FUNDC2: variants seen among roughly 807,000 people sequenced by gnomAD.
The protein encoded by FUNDC2 is FUN14 domain containing 2.
FUNDC2 carries 4 observed loss-of-function variants against 15.6 expected under a neutral mutation model. The observed-to-expected ratio is 0.26, with a 90% confidence interval of 0.13 to 0.59. FUNDC2 has a LOEUF of 0.59. Among genes scored for constraint, FUNDC2 ranks in the 20% least tolerant of loss-of-function variants. The probability of loss-of-function intolerance (pLI) is 0.90; values close to 1 mark genes in which losing one functional copy is unlikely to be tolerated. For synonymous variants in FUNDC2, 44 were observed against 56.9 expected (o/e 0.77, Z 1.02); for missense variants, 98 against 149.7 (o/e 0.65, Z 1.80).
intron 1 of FUNDC2, among the ~76,000 whole-genome samples, chrX:155,029,928 AGTTTGCAGT>A (rs1557288588): frequency 1.8e-5 from 2 of 111,206 alleles, no homozygotes; most frequent in Non-Finnish European, 3.8e-5. Context: ...AGTGTTTTGT[AGTTTGCAGT>A]GTTTTCTAGT....
At chrX:155,050,873 T>C (rs1277555842) in intron 3 of FUNDC2, 1 of 112,216 alleles carries the variant, frequency 8.9e-6, no homozygotes, top group African/African-American at 3.2e-5. Context: ...TTTGGGTGAC[T>C]GGTGGTGCCA....
intron 4 of FUNDC2, among the ~76,000 whole-genome samples, chrX:155,052,740 G>A (rs782659255): frequency 8.9e-6 from 1 of 112,322 alleles, no homozygotes; most frequent in South Asian, 3.7e-4. Flanking sequence ...GGAGCCCAGA[G>A]CCCAGATAGT....
chrX:155,045,854 C>T (rs1333131537), intron 2 of FUNDC2, among the ~76,000 whole-genome samples: 5 of 111,015 alleles, frequency 4.5e-5, no homozygotes, highest in South Asian at 7.6e-4. Context: ...ATTTTAGTAT[C>T]GGGTGGGGGC....
chrX:155,047,196 T>A, intron 3 of FUNDC2: 1 of 273,784 alleles, frequency 3.7e-6, no homozygotes, highest in South Asian at 3.4e-5. Context: ...TGGCTCCACA[T>A]TGGAATCACC....
At chrX:155,050,758 C>T (rs781853687) in intron 3 of FUNDC2, 2 of 111,933 alleles carry the variant, frequency 1.8e-5, no homozygotes, top group Admixed American at 1.9e-4. Context: ...ATTGCCCTTA[C>T]CCATTTTTAA....
intron 2 of FUNDC2, among the ~76,000 whole-genome samples, chrX:155,037,858 C>T (rs1416945337): frequency 3.6e-5 from 4 of 111,684 alleles, no homozygotes; most frequent in Non-Finnish European, 5.6e-5. Flanking sequence ...TCCAATTTGA[C>T]AGTCTCTTCC....
rs2073825757 is a variant in FUNDC2, at chrX:155,034,664, C to A, written c.284+1111C>A. On this transcript the variant is annotated intron_variant, in intron 2 of 4. Coordinates refer to ENST00000369498, the MANE Select transcript of FUNDC2 (RefSeq NM_023934.4). ...GAACCTGTTGTTCTACATGGTGGCA[C>A]TTGATTTTGCCAGGCTATTAAATTT... 1.8e-5 allele frequency among the ~76,000 whole-genome samples: 2 copies of A among 112,091 alleles called. 1 individual carries two copies. The highest frequency in any genetic ancestry group is 6.5e-5 in the African/African-American group (2 of 30,838).
intron 1 of FUNDC2, among the ~76,000 whole-genome samples, chrX:155,028,118 G>GACTTTTATAAGAGCAGACT (rs1557288459): frequency 5.7e-4 from 63 of 111,339 alleles, no homozygotes; most frequent in African/African-American, 1.6e-3. Context: ...TGCTCTTATA[G>GACTTTTATAAGAGCAGACT]GTTGATCAGG....
In FUNDC2 at chrX:155,026,900, G is replaced by A. The variant is rs1557288255; in HGVS notation, c.-39G>A. The A allele has an allele frequency of 1.7e-6, 2 of 1,165,580 alleles. No homozygotes were observed. The highest frequency in any genetic ancestry group is 1.8e-5 in the African/African-American group (1 of 56,546). On this transcript the variant is annotated 5_prime_UTR_variant, in exon 1 of 5. Coordinates refer to ENST00000369498, the MANE Select transcript of FUNDC2 (RefSeq NM_023934.4). ...GCTTGCGGAGACTGCAAGCAGCCGC[G>A]GCGCGCCCGGCCCTCCCTCTTCCGC...
rs2073905412 is a variant in FUNDC2 at position 155,057,030 on chromosome X, TTGGCCTCATCCTGCTA to T, written c.*2359_*2374del. ...TCATGGTTGAGGTCAGTATTGCAGG[TTGGCCTCATCCTGCTA>T]GTATGAGAACGGCTGTGAGTTCTGC... On this transcript the variant is annotated 3_prime_UTR_variant, in exon 5 of 5. Transcript: ENST00000369498. The T allele has an allele frequency of 1.0e-5, 1 of 99,926 alleles. No individual in the cohort carries two copies. Among genetic ancestry groups the T allele is most frequent in the Non-Finnish European group, 2.1e-5 (1 of 48,086 alleles). The allele number at this position is 99,926 out of a possible 1,213,427, so 8.2% of individuals were successfully genotyped here. A position where few individuals can be genotyped will look rare whatever the true frequency, so the allele number is the denominator to read the frequency against.
intron 2 of FUNDC2, among the ~76,000 whole-genome samples, chrX:155,042,861 A>G (rs913854564): frequency 9.0e-6 from 1 of 111,243 alleles, no homozygotes; most frequent in African/African-American, 3.3e-5. Flanking sequence ...TATTTCATGA[A>G]GTTTATTAAT....
chrX:155,054,398 A>G, intron 4 of FUNDC2, 197 bp from the exon 5 acceptor site: 1 of 749,128 alleles, frequency 1.3e-6, no homozygotes, highest in Non-Finnish European at 1.6e-6. Context: ...GCCAGTAGTC[A>G]TTTTCATATG....
At position 155,059,475 on chromosome X, in the gene FUNDC2, CAT is replaced by C. The variant is rs1373944938; in HGVS notation, c.*4805_*4806del. Reference sequence around the variant, plus strand: ...TTTTTTGGTTTCTAAAATGGGAGATCATAGTTTTCACCTTCCTAGAGTTCTTT... The same window carrying C: ...TTTTTTGGTTTCTAAAATGGGAGATCAGTTTTCACCTTCCTAGAGTTCTTT... On this transcript the variant is annotated 3_prime_UTR_variant, in exon 5 of 5. Transcript: ENST00000369498. 1.9e-5 allele frequency: 2 copies of C among 107,149 alleles called. No individual in the cohort carries two copies. The highest frequency in any genetic ancestry group is 3.9e-5 in the Non-Finnish European group (2 of 51,862). 8.8% of individuals were successfully genotyped at this position (107,149 alleles called of 1,213,427 possible). A position where few individuals can be genotyped will look rare whatever the true frequency, so the allele number is the denominator to read the frequency against.
At chrX:155,045,933 T>C (rs5945134) in intron 2 of FUNDC2, among the ~76,000 whole-genome samples, 25,700 of 110,145 alleles carry the variant, frequency 0.23, 2,248 homozygotes, top group South Asian at 0.38. Flanking sequence ...GCCACTCAGA[T>C]ATCATATGGA....
At chrX:155,053,096 T>TG (rs781829068) in intron 4 of FUNDC2, among the ~76,000 whole-genome samples, 19 of 112,427 alleles carry the variant, frequency 1.7e-4, no homozygotes, top group Non-Finnish European at 2.8e-4. Flanking sequence ...CTCAAACTTC[T>TG]GGGCTCAAGC....
chrX:155,041,747 CT>C (rs1487550352), intron 2 of FUNDC2, among the ~76,000 whole-genome samples: 2 of 109,109 alleles, frequency 1.8e-5, no homozygotes, highest in South Asian at 3.7e-4. Flanking sequence ...CCTAATGCCT[CT>C]TTTTTCCCCC....
At position 155,059,598 on chromosome X, in the gene FUNDC2, TATGTC is replaced by T. The variant is rs1428301552; in HGVS notation, c.*4929_*4933del. The T allele has an allele frequency of 8.9e-6, 1 of 111,923 alleles. No homozygotes were observed. The highest frequency in any genetic ancestry group is 1.9e-5 in the Non-Finnish European group (1 of 53,187). 9.2% of individuals were successfully genotyped at this position (111,923 alleles called of 1,213,427 possible). On this transcript the variant is annotated 3_prime_UTR_variant, in exon 5 of 5. Coordinates refer to ENST00000369498, the MANE Select transcript of FUNDC2 (RefSeq NM_023934.4). ...CTATGATGGCTATTTTATTTTTTTG[TATGTC>T]ATAATAATACCTAAGAATAAGAAGA...
chrX:155,046,546 G>A lies in FUNDC2; in HGVS notation c.322G>A (p.Ala108Thr), dbSNP rs782004081. ...CATATTCCAGAAGGTTGGAAAGTTGGCTGCAACAGCTGTGGGAGGTGGATT... is the reference window on the plus strand; with the variant it reads ...CATATTCCAGAAGGTTGGAAAGTTGACTGCAACAGCTGTGGGAGGTGGATT... ...GFIFQKVGKL[A>T]ATAVGGGFFL... Residue 108 changes from alanine (A) to threonine (T), a missense_variant, in exon 3 of 5, where the codon GCT (alanine) becomes ACT (threonine). Transcript: ENST00000369498. 8.3e-7 allele frequency: 1 copy of A among 1,210,833 alleles called. No individual in the cohort carries two copies. Among genetic ancestry groups the A allele is most frequent in the Admixed American group, 2.2e-5 (1 of 46,054 alleles).
chrX:155,026,922 C>A lies in FUNDC2; in HGVS notation c.-17C>A, dbSNP rs1230078884. ...CGCGGCGCGCCCGGCCCTCCCTCTT[C>A]CGCTGCCGCCGTGGGAATGGAAACA... is the stretch of plus-strand genomic sequence containing the variant. On this transcript the variant is annotated 5_prime_UTR_variant, in exon 1 of 5. Coordinates refer to ENST00000369498, the MANE Select transcript of FUNDC2 (RefSeq NM_023934.4). 3.4e-6 allele frequency: 4 copies of A among 1,177,761 alleles called. No individual in the cohort carries two copies. The highest frequency in any genetic ancestry group is 4.5e-6 in the Non-Finnish European group (4 of 880,725).
Sources: gnomAD v4.1 joint callset for allele counts (sites outside exome capture counted in the v4.1 genomes callset) on GRCh38, gnomAD v4.1.1 for gene constraint, MANE v1.5 for transcripts, NCBI Gene and HGNC (gene_info 2026-07-23, HGNC 2026-07-21) for gene names.